Variants in STIM1 observed in about 807,000 individuals in gnomAD.
STIM1 encodes the protein stromal interaction molecule 1.
In STIM1, 25 loss-of-function variants were observed where a neutral mutation model predicts 74.7. That is an observed-to-expected ratio of 0.33 (90% CI 0.24 to 0.47). The LOEUF (loss-of-function observed/expected upper bound fraction) is 0.47. Among genes scored for constraint, STIM1 ranks in the 20% least tolerant of loss-of-function variants. The pLI is 1.00. For synonymous variants in STIM1, 328 were observed against 348.8 expected (o/e 0.94, Z 0.66); for missense variants, 728 against 920.8 (o/e 0.79, Z 2.71).
At chr11:3,947,433 C>T (rs2093091777) in intron 1 of STIM1, 1 of 152,176 alleles carries the variant, frequency 6.6e-6, no homozygotes, top group Non-Finnish European at 1.5e-5. Flanking sequence ...CAATTTCCTC[C>T]TCTCTGGAGC....
chr11:4,018,470 A>AC (rs2093922587), intron 2 of STIM1, among the ~76,000 whole-genome samples: 2 of 143,744 alleles, frequency 1.4e-5, no homozygotes, highest in Admixed American at 6.9e-5. Flanking sequence ...AAAAAAAAAA[A>AC]AAAAAAAAAA....
intron 3 of STIM1, among the ~76,000 whole-genome samples, chr11:4,028,145 T>C (rs2094013616): frequency 7.0e-6 from 1 of 142,088 alleles, no homozygotes; most frequent in African/African-American, 3.1e-5. Flanking sequence ...TTCAGTGGCA[T>C]GATCTTTGCT....
At chr11:4,018,742 T>A (rs2093927645) in intron 2 of STIM1, among the ~76,000 whole-genome samples, 1 of 152,084 alleles carries the variant, frequency 6.6e-6, no homozygotes, top group South Asian at 2.1e-4. Flanking sequence ...ACCTTACTCA[T>A]TTCTCTCCAA....
chr11:3,862,500 G>T (rs1253161043), intron 1 of STIM1, among the ~76,000 whole-genome samples: 1 of 152,106 alleles, frequency 6.6e-6, no homozygotes, highest in Non-Finnish European at 1.5e-5. Context: ...ACCTTCACTC[G>T]CCAAGGGTTA....
rs201651708 is a variant in STIM1, at chr11:4,074,633, A to G, written c.923A>G (p.Glu308Gly). 4.4e-6 allele frequency: 7 copies of G among 1,596,962 alleles called. No homozygotes were observed. The South Asian group carries it at 7.9e-5, about 18-fold the overall frequency. The change falls in exon 7 of 13, where the codon GAG (glutamate) becomes GGG (glycine). Residue 308 changes from glutamate (E) to glycine (G), a missense_variant. Transcript: ENST00000526596. ...QRLKELREGT[E>G]NERSRQKYAE... The stretch of plus-strand genomic sequence containing the variant: ...CTGAAGGAGCTGCGGGAGGGTACTG[A>G]GAATGAGCGGAGCCGCCAAAAATAT...
chr11:4,090,482 T>C (rs527445109), intron 12 of STIM1, among the ~76,000 whole-genome samples: 17 of 152,318 alleles, frequency 1.1e-4, no homozygotes, highest in African/African-American at 4.1e-4. Context: ...ATGACCTCCT[T>C]TGAATCCTAT....
intron 1 of STIM1, among the ~76,000 whole-genome samples, chr11:3,916,286 TG>T (rs1395799767): frequency 1.4e-5 from 2 of 147,648 alleles, no homozygotes; most frequent in Non-Finnish European, 2.9e-5. Flanking sequence ...CAGTCAGTAA[TG>T]TTTTTTTTTT....
intron 1 of STIM1, among the ~76,000 whole-genome samples, chr11:3,868,569 A>G (rs2090958586): frequency 6.6e-6 from 1 of 152,240 alleles, no homozygotes; most frequent in South Asian, 2.1e-4. Context: ...TTTGATTAAA[A>G]ATTATACAAT....
chr11:3,965,714 A>G (rs2093333473), intron 1 of STIM1, among the ~76,000 whole-genome samples: 1 of 152,218 alleles, frequency 6.6e-6, no homozygotes, highest in Non-Finnish European at 1.5e-5. Flanking sequence ...TCTTTTATCA[A>G]ACCATTGCAG....
chr11:3,914,525 T>A (rs956720908), intron 1 of STIM1, among the ~76,000 whole-genome samples: 2 of 152,172 alleles, frequency 1.3e-5, no homozygotes, highest in African/African-American at 4.8e-5. Flanking sequence ...CACTGCAATC[T>A]CTGCCTCTTG....
At chr11:3,867,081 C>T (rs189093615) in intron 1 of STIM1, 6 of 152,100 alleles carry the variant, frequency 3.9e-5, no homozygotes, top group African/African-American at 1.4e-4. Context: ...ATACCAAGTA[C>T]TTGACATCAG....
Position 3,895,663 on chromosome 11 carries a change from TTTCTTTCTTTCC to T in STIM1, c.139+39258_139+39269del, listed in dbSNP as rs1358990045. Among the ~76,000 whole-genome samples, 52 of 32,600 alleles carry T rather than the reference TTTCTTTCTTTCC, an allele frequency of 1.6e-3. 2 individuals carry two copies. The highest frequency in any genetic ancestry group is 8.0e-3 in the African/African-American group (48 of 6,024). 21.4% of individuals were successfully genotyped at this position (32,600 alleles called of 152,430 possible). Reference sequence around the variant, plus strand: ...CTTTCTTTCTTTCTTTCTTTCTTTCTTTCTTTCTTTCCTTCCTTCCTTCTTTCTTTCTTTCTT... The same window carrying T: ...CTTTCTTTCTTTCTTTCTTTCTTTCTTTCCTTCCTTCTTTCTTTCTTTCTT... On this transcript the variant is annotated intron_variant, in intron 1 of 12. Coordinates refer to ENST00000526596, the MANE Select transcript of STIM1 (RefSeq NM_001382567.1).
Position 3,944,253 on chromosome 11 carries a change from A to G in STIM1, c.140-23299A>G, listed in dbSNP as rs567484848. 2.0e-5 allele frequency among the ~76,000 whole-genome samples: 3 copies of G among 152,342 alleles called. No individual in the cohort carries two copies. In the South Asian group the frequency reaches 6.2e-4, roughly 32 times the overall value. ...AGGGTGTTTCCCCTGGCTTTTCAGC[A>G]TTCTTCTCAATTCTTTAATTGCCAT... On this transcript the variant is annotated intron_variant, in intron 1 of 12. Coordinates refer to ENST00000526596, the MANE Select transcript of STIM1 (RefSeq NM_001382567.1).
chr11:4,016,969 AGTCAC>A (rs1296003983), intron 2 of STIM1, among the ~76,000 whole-genome samples: 1 of 152,230 alleles, frequency 6.6e-6, no homozygotes. Flanking sequence ...CACCAGGTAG[AGTCAC>A]TCACGGCTTC....
At chr11:3,899,083 T>A (rs1166318983) in intron 1 of STIM1, among the ~76,000 whole-genome samples, 1 of 152,242 alleles carries the variant, frequency 6.6e-6, no homozygotes, top group African/African-American at 2.4e-5. Flanking sequence ...GGGGATGGCA[T>A]TGAATCTATA....
chr11:4,006,055 T>G (rs1381850394), intron 2 of STIM1, among the ~76,000 whole-genome samples: 2 of 152,144 alleles, frequency 1.3e-5, no homozygotes, highest in Non-Finnish European at 2.9e-5. Context: ...CCACCAAATC[T>G]CGTGTTGAAT....
intron 1 of STIM1, among the ~76,000 whole-genome samples, chr11:3,916,371 T>G (rs146853847): frequency 0.014 from 2,196 of 151,914 alleles, 44 homozygotes; most frequent in African/African-American, 0.048. Flanking sequence ...ACTGCCAACC[T>G]CTGCCACCTG....
chr11:4,015,468 C>T (rs1009892821), intron 2 of STIM1, among the ~76,000 whole-genome samples: 3 of 152,186 alleles, frequency 2.0e-5, no homozygotes, highest in Non-Finnish European at 4.4e-5. Context: ...TCTCTGGCTG[C>T]CCTTAACATT....
At chr11:3,871,452 G>T (rs1169517496) in intron 1 of STIM1, among the ~76,000 whole-genome samples, 1 of 152,104 alleles carries the variant, frequency 6.6e-6, no homozygotes, top group Non-Finnish European at 1.5e-5. Flanking sequence ...TCTAGTAGGG[G>T]TATTGTTAGG....
Sources: gnomAD v4.1 joint callset for allele counts (sites outside exome capture counted in the v4.1 genomes callset) on GRCh38, gnomAD v4.1.1 for gene constraint, MANE v1.5 for transcripts, NCBI Gene and HGNC (gene_info 2026-07-23, HGNC 2026-07-21) for gene names.